The following RHOJ variants were observed in gnomAD, a reference collection of about 807,000 sequenced individuals.
RHOJ encodes rho-related GTP-binding protein RhoJ.
RHOJ carries 11 observed loss-of-function variants against 23.4 expected under a neutral mutation model. The observed-to-expected ratio is 0.47, with a 90% CI of 0.30 to 0.78. The LOEUF is 0.78. RHOJ is among the 30% of genes least tolerant of loss of function. The pLI is 0.08. For synonymous variants in RHOJ, 102 were observed against 102.7 expected (o/e 0.99, Z 0.04); for missense variants, 254 against 273.4 (o/e 0.93, Z 0.50).
chr14:63,240,420 C>T lies in RHOJ; in HGVS notation c.179-28690C>T, dbSNP rs192476916. ...TCCCACATTTCTTTAGGAATTATAG[C>T]CTCATTCCTGCAGAGGCTGCTGTAG... is the stretch of plus-strand genomic sequence containing the variant. On this transcript the variant is annotated intron_variant, in intron 1 of 4. Transcript: ENST00000316754. 1.0e-3 allele frequency among the ~76,000 whole-genome samples: 158 copies of T among 152,272 alleles called. 3 individuals are homozygous for T. Among genetic ancestry groups the T allele is most frequent in the African/African-American group, 3.5e-3 (144 of 41,560 alleles).
At chr14:63,259,556 G>A (rs763070501) in intron 1 of RHOJ, among the ~76,000 whole-genome samples, 4 of 152,194 alleles carry the variant, frequency 2.6e-5, no homozygotes, top group Non-Finnish European at 5.9e-5. Context: ...AACAAGGACA[G>A]AGAAGTGGTA....
At chr14:63,270,789 C>T (rs890976910) in intron 2 of RHOJ, among the ~76,000 whole-genome samples, 2 of 152,252 alleles carry the variant, frequency 1.3e-5, no homozygotes, top group East Asian at 1.9e-4. Flanking sequence ...TGTCATGACT[C>T]GGAAACCTCT....
chr14:63,233,252 G>A (rs1361669994), intron 1 of RHOJ, among the ~76,000 whole-genome samples: 1 of 152,152 alleles, frequency 6.6e-6, no homozygotes, highest in Non-Finnish European at 1.5e-5. Context: ...CAGACAAAAA[G>A]TATATTAGTA....
intron 4 of RHOJ, among the ~76,000 whole-genome samples, chr14:63,289,037 G>A (rs1429200390): frequency 6.6e-6 from 1 of 152,152 alleles, no homozygotes; most frequent in Admixed American, 6.5e-5. Context: ...TTCTAGGTGA[G>A]TGCCCATAAG....
intron 1 of RHOJ, among the ~76,000 whole-genome samples, chr14:63,225,207 T>G (rs1894570032): frequency 6.6e-6 from 1 of 152,148 alleles, no homozygotes; most frequent in African/African-American, 2.4e-5. Flanking sequence ...CGCCTCGGCC[T>G]CCCAAAGTGC....
intron 1 of RHOJ, among the ~76,000 whole-genome samples, chr14:63,236,571 GC>G (rs1894793569): frequency 6.6e-6 from 1 of 152,056 alleles, no homozygotes; most frequent in Non-Finnish European, 1.5e-5. Context: ...GGAAAAACCT[GC>G]CCCCATGATT....
At chr14:63,244,926 A>G (rs186598969) in intron 1 of RHOJ, among the ~76,000 whole-genome samples, 2 of 152,338 alleles carry the variant, frequency 1.3e-5, no homozygotes, top group Admixed American at 1.3e-4. Flanking sequence ...TTGTGTGTAC[A>G]CACGTGTGTT....
intron 1 of RHOJ, among the ~76,000 whole-genome samples, chr14:63,233,244 G>C (rs1019474500): frequency 6.6e-6 from 1 of 152,176 alleles, no homozygotes; most frequent in African/African-American, 2.4e-5. Flanking sequence ...AATCCTGACA[G>C]ACAAAAAGTA....
chr14:63,246,520 C>T (rs566157735), intron 1 of RHOJ, among the ~76,000 whole-genome samples: 1 of 152,228 alleles, frequency 6.6e-6, no homozygotes, highest in South Asian at 2.1e-4. Context: ...ACCTGAGACT[C>T]TTTTTTTCCT....
intron 1 of RHOJ, among the ~76,000 whole-genome samples, chr14:63,228,165 A>G (rs909883682): frequency 6.6e-6 from 1 of 152,148 alleles, no homozygotes; most frequent in Non-Finnish European, 1.5e-5. Context: ...AAGGTTTGAT[A>G]TGTTTCTCAT....
chr14:63,255,662 G>A (rs1294444337), intron 1 of RHOJ, among the ~76,000 whole-genome samples: 5 of 146,722 alleles, frequency 3.4e-5, no homozygotes, highest in Admixed American at 7.1e-5. Flanking sequence ...CCTGCTTGCC[G>A]CCCTGTCTCA....
intron 1 of RHOJ, among the ~76,000 whole-genome samples, chr14:63,255,687 G>A (rs1283079230): frequency 1.3e-5 from 2 of 151,948 alleles, no homozygotes; most frequent in African/African-American, 4.8e-5. Flanking sequence ...CAACTGAAGG[G>A]CCACCAATCC....
intron 4 of RHOJ, among the ~76,000 whole-genome samples, chr14:63,288,783 T>C (rs1350665589): frequency 6.6e-6 from 1 of 152,112 alleles, no homozygotes; most frequent in African/African-American, 2.4e-5. Context: ...AGGAAAAAAA[T>C]GAAAAATGCA....
intron 1 of RHOJ, among the ~76,000 whole-genome samples, chr14:63,246,188 C>A (rs991251575): frequency 1.3e-5 from 2 of 152,166 alleles, no homozygotes; most frequent in South Asian, 4.1e-4. Context: ...CTCACATCCT[C>A]TCTACTCACC....
chr14:63,205,102 C>T (rs1423851775), intron 1 of RHOJ, 55 bp downstream of exon 1: 3 of 1,562,198 alleles, frequency 1.9e-6, no homozygotes, highest in Non-Finnish European at 2.6e-6. Flanking sequence ...GGGGGCGAGA[C>T]CCTAAGTTCA....
At chr14:63,255,908 G>A (rs1016686531) in intron 1 of RHOJ, among the ~76,000 whole-genome samples, 1 of 139,374 alleles carries the variant, frequency 7.2e-6, no homozygotes, top group Non-Finnish European at 1.5e-5. Flanking sequence ...TGCCTAGGCT[G>A]GAGTGCATGG....
In RHOJ at chr14:63,271,673, C is replaced by A. The variant is rs1448737328; in HGVS notation, c.237+2505C>A. ...GCAGTGGCGCAATCTTGGATCACTG[C>A]AACCTCCGCTTCCCGAGTTCAAGCA... On this transcript the variant is annotated intron_variant, in intron 2 of 4. Transcript: ENST00000316754. Among the ~76,000 whole-genome samples the A allele has an allele frequency of 2.6e-5, 4 of 152,266 alleles. No homozygotes were observed. In the East Asian group the frequency reaches 7.7e-4, roughly 29 times the overall value.
At chr14:63,254,716 A>T (rs1895132117) in intron 1 of RHOJ, among the ~76,000 whole-genome samples, 1 of 152,108 alleles carries the variant, frequency 6.6e-6, no homozygotes, top group African/African-American at 2.4e-5. Flanking sequence ...GAAGATAAAC[A>T]TGTGCAACTT....
intron 4 of RHOJ, among the ~76,000 whole-genome samples, chr14:63,286,135 A>C (rs923656572): frequency 6.6e-6 from 1 of 152,146 alleles, no homozygotes; most frequent in African/African-American, 2.4e-5. Context: ...TGGAGTCTTT[A>C]ATGCCCTCTT....
Sources: allele counts gnomAD v4.1 joint callset (sites outside exome capture counted in the v4.1 genomes callset), GRCh38; gene constraint gnomAD v4.1.1; transcripts MANE v1.5; gene names NCBI Gene and HGNC (gene_info 2026-07-23, HGNC 2026-07-21).